SYT1: variants seen among roughly 807,000 people sequenced by gnomAD.
The protein encoded by SYT1 is synaptotagmin-1.
SYT1 carries 8 observed loss-of-function variants against 44.8 expected under a neutral mutation model. That is an observed-to-expected ratio of 0.18 (90% CI 0.10 to 0.32). The LOEUF (loss-of-function observed/expected upper bound fraction) is 0.32, where lower values mean the gene tolerates loss of function less well. Among genes scored for constraint, SYT1 ranks in the 10% least tolerant of loss-of-function variants. The pLI is 1.00. For synonymous variants in SYT1, 154 were observed against 188.8 expected, an observed-to-expected ratio of 0.82 and a Z score of 1.51; for missense variants, 286 against 509.3, an observed-to-expected ratio of 0.56 and a Z score of 4.22.
chr12:79,434,294 G>A (rs1039219272), intron 9 of SYT1, among the ~76,000 whole-genome samples: 2 of 152,014 alleles, frequency 1.3e-5, no homozygotes, highest in Non-Finnish European at 2.9e-5. Context: ...TAAATTGTGT[G>A]TTTACACAGA....
At chr12:79,037,111 C>T (rs1218691483) in intron 2 of SYT1, among the ~76,000 whole-genome samples, 2 of 151,850 alleles carry the variant, frequency 1.3e-5, no homozygotes, top group Non-Finnish European at 2.9e-5. Flanking sequence ...CCCCCAGGTA[C>T]AATTCTGCTC....
At chr12:78,869,505 T>A (rs1346968183) in intron 1 of SYT1, among the ~76,000 whole-genome samples, 1 of 151,996 alleles carries the variant, frequency 6.6e-6, no homozygotes, top group African/African-American at 2.4e-5. Flanking sequence ...ATTGCTATGT[T>A]GTAGAAATGG....
At chr12:79,387,601 A>G (rs979141084) in intron 9 of SYT1, among the ~76,000 whole-genome samples, 20 of 152,372 alleles carry the variant, frequency 1.3e-4, no homozygotes, top group African/African-American at 4.8e-4. Context: ...ATAACATTTC[A>G]AATATGAAGC....
At chr12:79,054,950 A>G (rs1874821560) in intron 3 of SYT1, among the ~76,000 whole-genome samples, 1 of 151,962 alleles carries the variant, frequency 6.6e-6, no homozygotes, top group Admixed American at 6.6e-5. Context: ...TCTAAACCAT[A>G]TTTCATGATT....
intron 4 of SYT1, among the ~76,000 whole-genome samples, chr12:79,241,649 G>A (rs1303141554): frequency 6.6e-6 from 1 of 151,972 alleles, no homozygotes; most frequent in African/African-American, 2.4e-5. Flanking sequence ...AATTGGTGTT[G>A]GTGAAAACAG....
intron 3 of SYT1, among the ~76,000 whole-genome samples, chr12:79,062,003 G>A (rs1875424179): frequency 6.6e-6 from 1 of 152,136 alleles, no homozygotes; most frequent in African/African-American, 2.4e-5. Context: ...ATCCTTTTAT[G>A]AGCTTATGCT....
intron 3 of SYT1, among the ~76,000 whole-genome samples, chr12:79,208,559 A>G (rs987664632): frequency 3.9e-5 from 6 of 152,212 alleles, no homozygotes; most frequent in African/African-American, 1.4e-4. Flanking sequence ...AGAGGCAGAC[A>G]GGAGAGAGGG....
rs1565825900 is a variant in SYT1 at position 79,145,760 on chromosome 12, TGTTTGTTTG to T, written c.-17-71742_-17-71734del. On this transcript the variant is annotated intron_variant, in intron 3 of 10. Coordinates refer to ENST00000261205, the MANE Select transcript of SYT1 (RefSeq NM_005639.3). ...TGGTTTTTTTTTTTTTTTGTTTGTT[TGTTTGTTTG>T]TTTTTTGAGACGGAGTCTCGCTCTG... 2.8e-3 allele frequency among the ~76,000 whole-genome samples: 410 copies of T among 147,652 alleles called. 7 individuals carry two copies. Among genetic ancestry groups the T allele is most frequent in the African/African-American group, 0.01 (392 of 37,724 alleles).
At chr12:79,089,892 A>G (rs1009557703) in intron 3 of SYT1, among the ~76,000 whole-genome samples, 2 of 152,080 alleles carry the variant, frequency 1.3e-5, no homozygotes, top group African/African-American at 4.8e-5. Context: ...TAATTCACTC[A>G]AAACTCAGAG....
chr12:78,980,588 C>G (rs1869176315), intron 2 of SYT1, among the ~76,000 whole-genome samples: 1 of 152,010 alleles, frequency 6.6e-6, no homozygotes. Context: ...ATATTTGGGA[C>G]TCAAAACTTA....
chr12:79,165,760 A>G (rs1342204028), intron 3 of SYT1, among the ~76,000 whole-genome samples: 1 of 152,016 alleles, frequency 6.6e-6, no homozygotes, highest in Non-Finnish European at 1.5e-5. Flanking sequence ...AACTGAGTAA[A>G]TATTAAATGG....
intron 1 of SYT1, among the ~76,000 whole-genome samples, chr12:78,899,320 A>G (rs1199786695): frequency 6.6e-6 from 1 of 152,036 alleles, no homozygotes; most frequent in Non-Finnish European, 1.5e-5. Flanking sequence ...TCAGTAAATA[A>G]GTATGAAAAT....
intron 1 of SYT1, among the ~76,000 whole-genome samples, chr12:78,966,698 A>G (rs953496601): frequency 2.0e-5 from 3 of 152,206 alleles, no homozygotes; most frequent in Non-Finnish European, 2.9e-5. Context: ...AAATTCAGGC[A>G]TGTGTGTTAA....
intron 3 of SYT1, among the ~76,000 whole-genome samples, chr12:79,126,627 T>G (rs559210308): frequency 6.6e-6 from 1 of 152,300 alleles, no homozygotes; most frequent in East Asian, 1.9e-4. Flanking sequence ...TTTGGAGGAT[T>G]TATATATGCA....
At chr12:78,942,966 C>T (rs916481354) in intron 1 of SYT1, among the ~76,000 whole-genome samples, 3 of 152,186 alleles carry the variant, frequency 2.0e-5, no homozygotes, top group African/African-American at 7.2e-5. Context: ...ATGAAATCAT[C>T]AGTAAAACTG....
intron 3 of SYT1, among the ~76,000 whole-genome samples, chr12:79,139,697 G>C (rs1869436741): frequency 1.3e-5 from 2 of 152,176 alleles, no homozygotes; most frequent in Admixed American, 1.3e-4. Context: ...CATAGACTAA[G>C]TTGGAGTGCT....
chr12:79,421,264 T>A (rs1285632514), intron 9 of SYT1, among the ~76,000 whole-genome samples: 2 of 152,176 alleles, frequency 1.3e-5, no homozygotes. Context: ...GTTATTAAAT[T>A]GTTTTCCCAT....
chr12:79,060,403 A>G (rs1434976703), intron 3 of SYT1, among the ~76,000 whole-genome samples: 1 of 152,020 alleles, frequency 6.6e-6, no homozygotes, highest in Non-Finnish European at 1.5e-5. Flanking sequence ...TTGTTTGATC[A>G]TCAGCATCAG....
chr12:79,239,507 A>G (rs1463196287), intron 4 of SYT1, among the ~76,000 whole-genome samples: 1 of 152,248 alleles, frequency 6.6e-6, no homozygotes, highest in East Asian at 1.9e-4. Flanking sequence ...AATGTGCCAT[A>G]TTAATGTAGA....
Sources: gnomAD v4.1 joint callset for allele counts (sites outside exome capture counted in the v4.1 genomes callset) on GRCh38, gnomAD v4.1.1 for gene constraint, MANE v1.5 for transcripts, NCBI Gene and HGNC (gene_info 2026-07-23, HGNC 2026-07-21) for gene names.